Variants in RBMS1 observed in about 807,000 individuals in gnomAD.
RBMS1 encodes RNA-binding motif, single-stranded-interacting protein 1.
RBMS1 carries 17 observed loss-of-function variants against 62.3 expected under a neutral mutation model. That is an observed-to-expected ratio of 0.27 (90% confidence interval 0.19 to 0.41). The LOEUF is 0.41. Ranked by LOEUF, RBMS1 falls within the 10% of genes least tolerant of loss-of-function variation. The pLI, the probability that RBMS1 is intolerant of heterozygous loss-of-function variation, is 1.00. For synonymous variants in RBMS1, 172 were observed against 170.0 expected (o/e 1.01, Z -0.09); for missense variants, 334 against 504.5 (o/e 0.66, Z 3.24).
chr2:160,445,003 C>T lies in RBMS1; in HGVS notation c.75+48286G>A, dbSNP rs530044118. Among the ~76,000 whole-genome samples the T allele has an allele frequency of 2.0e-4, 30 of 152,208 alleles. No individual in the cohort carries two copies. In the South Asian group the frequency reaches 6.2e-3, roughly 32 times the overall value. ...TCTATGGTATCTTGTTATGGCAGCCCGAGCAGACTAATCAATCCACTCTGG... is the reference window on the plus strand; with the variant it reads ...TCTATGGTATCTTGTTATGGCAGCCTGAGCAGACTAATCAATCCACTCTGG... On this transcript the variant is annotated intron_variant, in intron 1 of 13. Transcript: ENST00000348849.
At chr2:160,449,673 G>C (rs909098282) in intron 1 of RBMS1, among the ~76,000 whole-genome samples, 2 of 152,102 alleles carry the variant, frequency 1.3e-5, no homozygotes, top group Non-Finnish European at 2.9e-5. Flanking sequence ...CAAGTACCCA[G>C]GGACACAAAC....
At chr2:160,408,375 C>G (rs1468447391) in intron 1 of RBMS1, 3 of 152,116 alleles carry the variant, frequency 2.0e-5, no homozygotes, top group African/African-American at 7.2e-5. Flanking sequence ...ACGACCCTCC[C>G]GTCAAACCTC....
At chr2:160,331,776 AC>A (rs1266785958) in intron 2 of RBMS1, among the ~76,000 whole-genome samples, 1 of 152,172 alleles carries the variant, frequency 6.6e-6, no homozygotes, top group Non-Finnish European at 1.5e-5. Context: ...ACCGATGCTT[AC>A]CTAGAAAAGG....
rs948097278 is a variant in RBMS1, at chr2:160,493,705, G to T, written c.-342C>A. The T allele has an allele frequency of 2.6e-5, 10 of 381,314 alleles. No homozygotes were observed. The highest frequency in any genetic ancestry group is 8.2e-5 in the Admixed American group (2 of 24,458). 23.6% of individuals were successfully genotyped at this position (381,314 alleles called of 1,614,324 possible). A position where few individuals can be genotyped will look rare whatever the true frequency, so the allele number is the denominator to read the frequency against. ...CGGGGCTGCCAAGGGCTGGCGCGCTGGCCGCGGTCCGCTCGGGCGAGCCGG... is the reference window on the plus strand; with the variant it reads ...CGGGGCTGCCAAGGGCTGGCGCGCTTGCCGCGGTCCGCTCGGGCGAGCCGG... On this transcript the variant is annotated 5_prime_UTR_variant, in exon 1 of 14. Coordinates refer to ENST00000348849, the MANE Select transcript of RBMS1 (RefSeq NM_016836.4).
At chr2:160,430,793 G>A (rs1296373659) in intron 1 of RBMS1, among the ~76,000 whole-genome samples, 1 of 152,066 alleles carries the variant, frequency 6.6e-6, no homozygotes, top group Non-Finnish European at 1.5e-5. Flanking sequence ...GCTTCAAGTG[G>A]TAAGCTGAAT....
intron 6 of RBMS1, among the ~76,000 whole-genome samples, chr2:160,288,705 C>G (rs372053666): frequency 5.3e-5 from 8 of 152,162 alleles, no homozygotes; most frequent in East Asian, 1.9e-4. Context: ...TCCACATAAT[C>G]TCGTAGAGCA....
intron 2 of RBMS1, among the ~76,000 whole-genome samples, chr2:160,327,370 C>A (rs1690997391): frequency 6.6e-6 from 1 of 152,144 alleles, no homozygotes; most frequent in Non-Finnish European, 1.5e-5. Context: ...GTATGTATAA[C>A]TTGGACTAAA....
rs1252861710 is a variant in RBMS1, at chr2:160,311,228, C to CTATATATCTATATATCTATATATCTA, written c.402+1927_402+1928insTAGATATATAGATATATAGATATATA. Among the ~76,000 whole-genome samples, 93 of 95,922 alleles carry CTATATATCTATATATCTATATATCTA rather than the reference C, an allele frequency of 9.7e-4. 6 individuals carry two copies. The highest frequency in any genetic ancestry group is 7.3e-3 in the South Asian group (18 of 2,476). 62.9% of individuals were successfully genotyped at this position (95,922 alleles called of 152,430 possible). On this transcript the variant is annotated intron_variant, in intron 4 of 13. Coordinates refer to ENST00000348849, the MANE Select transcript of RBMS1 (RefSeq NM_016836.4). ...AAAAAAAATCTATCTATCTATCTAT[C>CTATATATCTATATATCTATATATCTA]TATCTATATATATATATATATATAT...
chr2:160,293,362 G>C (rs1169279890), intron 6 of RBMS1, among the ~76,000 whole-genome samples: 1 of 152,146 alleles, frequency 6.6e-6, no homozygotes, highest in Non-Finnish European at 1.5e-5. Flanking sequence ...AGCCCCACTG[G>C]ACACATAACC....
At chr2:160,303,263 T>A in intron 5 of RBMS1, 67 bp downstream of exon 5, 1 of 1,456,272 alleles carries the variant, frequency 6.9e-7, no homozygotes. Context: ...TAGTCATTTT[T>A]AATTTTCCAA....
chr2:160,440,066 CGTGGAGA>C (rs1221936009), intron 1 of RBMS1, among the ~76,000 whole-genome samples: 1 of 60,500 alleles, frequency 1.7e-5, no homozygotes, highest in Non-Finnish European at 3.2e-5. Context: ...AGAGGGAGAC[CGTGGAGA>C]GGGGAGAGGG....
chr2:160,471,134 T>C (rs1684896306), intron 1 of RBMS1, among the ~76,000 whole-genome samples: 1 of 152,216 alleles, frequency 6.6e-6, no homozygotes, highest in South Asian at 2.1e-4. Flanking sequence ...ATTTGGGAGT[T>C]ATTTTGGACA....
intron 1 of RBMS1, among the ~76,000 whole-genome samples, chr2:160,464,405 T>C (rs1684600485): frequency 6.6e-6 from 1 of 152,212 alleles, no homozygotes; most frequent in South Asian, 2.1e-4. Flanking sequence ...TAAATGTAGA[T>C]TTAAAAACAT....
At chr2:160,463,785 C>T (rs1252331381) in intron 1 of RBMS1, among the ~76,000 whole-genome samples, 1 of 151,968 alleles carries the variant, frequency 6.6e-6, no homozygotes, top group Non-Finnish European at 1.5e-5. Context: ...AACTCCGTCT[C>T]AAAAAAACAA....
At chr2:160,354,472 T>A (rs1692687086) in intron 2 of RBMS1, among the ~76,000 whole-genome samples, 2 of 152,092 alleles carry the variant, frequency 1.3e-5, no homozygotes, top group South Asian at 4.1e-4. Context: ...CCACAATTTA[T>A]GGCCTGGCTT....
chr2:160,405,713 G>A (rs1695665510), intron 1 of RBMS1, among the ~76,000 whole-genome samples: 1 of 152,146 alleles, frequency 6.6e-6, no homozygotes, highest in African/African-American at 2.4e-5. Context: ...GAAAAGAAGA[G>A]CATCTTATCA....
At chr2:160,446,527 G>C (rs939942285) in intron 1 of RBMS1, among the ~76,000 whole-genome samples, 1 of 152,080 alleles carries the variant, frequency 6.6e-6, no homozygotes, top group East Asian at 1.9e-4. Context: ...TTAGGCCAAA[G>C]CGTTCTCAGC....
chr2:160,426,994 G>A (rs1682661191), intron 1 of RBMS1, among the ~76,000 whole-genome samples: 1 of 152,188 alleles, frequency 6.6e-6, no homozygotes, highest in South Asian at 2.1e-4. Flanking sequence ...CCTACAAATT[G>A]AGATGGTTGG....
At chr2:160,363,470 G>A (rs1475776743) in intron 2 of RBMS1, among the ~76,000 whole-genome samples, 1 of 152,094 alleles carries the variant, frequency 6.6e-6, no homozygotes, top group Non-Finnish European at 1.5e-5. Flanking sequence ...GATGGGGAGG[G>A]GAGGCACCGG....
Sources: allele counts gnomAD v4.1 joint callset (sites outside exome capture counted in the v4.1 genomes callset), GRCh38; gene constraint gnomAD v4.1.1; transcripts MANE v1.5; gene names NCBI Gene and HGNC (gene_info 2026-07-23, HGNC 2026-07-21).